The following VGLL4 variants were observed in gnomAD, a reference collection of about 807,000 sequenced individuals.
The protein encoded by VGLL4 is transcription cofactor vestigial-like protein 4.
Under a neutral mutation model 21.0 loss-of-function variants are expected in VGLL4, and 7 were observed. The ratio of observed to expected loss-of-function variants is 0.33; its 90% confidence interval spans 0.19 to 0.63. The LOEUF is 0.63. VGLL4 is among the 20% of genes least tolerant of loss of function. The probability of loss-of-function intolerance (pLI) is 0.78; values close to 1 mark genes in which losing one functional copy is unlikely to be tolerated. For synonymous variants in VGLL4, 222 were observed against 173.2 expected, an observed-to-expected ratio of 1.28 and a Z score of -2.21; for missense variants, 394 against 425.7, an observed-to-expected ratio of 0.93 and a Z score of 0.66.
At chr3:11,613,252 C>T (rs1166491519) in intron 1 of VGLL4, among the ~76,000 whole-genome samples, 1 of 151,982 alleles carries the variant, frequency 6.6e-6, no homozygotes, top group Non-Finnish European at 1.5e-5. Flanking sequence ...GGTTAAGCAC[C>T]GAAGGTCATA....
At chr3:11,646,443 T>G (rs1488021712), upstream of VGLL4, among the ~76,000 whole-genome samples, 1 of 152,162 alleles carries the variant, frequency 6.6e-6, no homozygotes, top group Non-Finnish European at 1.5e-5. Context: ...ATCTTGCTGC[T>G]GAGGTTGCAT....
intron 2 of VGLL4, among the ~76,000 whole-genome samples, chr3:11,700,207 G>A (rs2076660641): frequency 2.0e-5 from 3 of 151,978 alleles, no homozygotes; most frequent in Admixed American, 2.0e-4. Context: ...GCCTCCAACT[G>A]GAACAGAATG....
Position 11,599,781 on chromosome 3 carries a change from A to G in VGLL4, c.272+2052T>C, listed in dbSNP as rs140363504. 6.7e-4 allele frequency among the ~76,000 whole-genome samples: 100 copies of G among 150,056 alleles called. 2 individuals carry two copies. The East Asian group carries it at 0.018, about 28-fold the overall frequency. On this transcript the variant is annotated intron_variant, in intron 2 of 4. Transcript: ENST00000430365. Reference sequence around the variant, plus strand: ...GTGATCCACCCACCTTGGCCTCCCAAAGTGCCAGGATTACAGGTGTGTGAG... The same window carrying G: ...GTGATCCACCCACCTTGGCCTCCCAGAGTGCCAGGATTACAGGTGTGTGAG...
chr3:11,702,759 A>G (rs1451093881), intron 2 of VGLL4: 1 of 332,514 alleles, frequency 3.0e-6, no homozygotes, highest in Non-Finnish European at 5.4e-6. Flanking sequence ...AAAAAAAACA[A>G]ACCAGTATCC....
At chr3:11,611,876 G>A (rs545085907) in intron 1 of VGLL4, 1 of 151,874 alleles carries the variant, frequency 6.6e-6, no homozygotes, top group Non-Finnish European at 1.5e-5. Context: ...GGAGGACTAG[G>A]TTTGTGTTCA....
chr3:11,582,288 C>T (rs1036489757), intron 2 of VGLL4: 2 of 1,605,218 alleles, frequency 1.2e-6, no homozygotes, highest in Non-Finnish European at 1.7e-6. Context: ...GTACTAACCT[C>T]ACTTTAATCA....
At chr3:11,696,291 C>T (rs1490431658) in intron 2 of VGLL4, among the ~76,000 whole-genome samples, 4 of 152,174 alleles carry the variant, frequency 2.6e-5, no homozygotes, top group Non-Finnish European at 4.4e-5. Context: ...GCAGTTCCTC[C>T]CTATTCTAAG....
At chr3:11,680,819 C>A (rs901128919) in intron 2 of VGLL4, among the ~76,000 whole-genome samples, 3 of 152,210 alleles carry the variant, frequency 2.0e-5, no homozygotes, top group African/African-American at 2.4e-5. Flanking sequence ...GCGAGCCCTG[C>A]AAAGCAGAGA....
intron 3 of VGLL4, among the ~76,000 whole-genome samples, chr3:11,559,785 C>T (rs1189173885): frequency 6.6e-6 from 1 of 152,200 alleles, no homozygotes; most frequent in African/African-American, 2.4e-5. Flanking sequence ...CAGAGGGTTG[C>T]AGGAGGGACC....
chr3:11,628,587 A>G (rs2616546), intron 1 of VGLL4, among the ~76,000 whole-genome samples: 19,968 of 151,710 alleles, frequency 0.13, 1,494 homozygotes, highest in South Asian at 0.22. Flanking sequence ...TTGGGAGGCC[A>G]AGGCGGGCGG....
At chr3:11,702,981 A>G (rs779406421) in exon 2 of VGLL4, 1 of 1,612,206 alleles carries the variant, frequency 6.2e-7, no homozygotes, top group Non-Finnish European at 8.5e-7. Flanking sequence ...GTTTTTCGTC[A>G]TCAGCATGCA....
At chr3:11,682,130 G>A (rs933917014) in intron 2 of VGLL4, among the ~76,000 whole-genome samples, 10 of 152,020 alleles carry the variant, frequency 6.6e-5, no homozygotes, top group African/African-American at 2.4e-4. Context: ...GTGGCCGGGT[G>A]CAGTGGCTCA....
rs2072521525 is a variant in VGLL4, at chr3:11,557,241, TAATA to T, written c.*1311_*1314del. The stretch of plus-strand genomic sequence containing the variant: ...AGTTAGTAGCTATTAATATAGCAAA[TAATA>T]AATGCAGTAATAACAGTATAAAGTC... On this transcript the variant is annotated 3_prime_UTR_variant, in exon 5 of 5. Coordinates refer to ENST00000430365, the MANE Select transcript of VGLL4 (RefSeq NM_001128219.3). 1 of 152,744 alleles carries T rather than the reference TAATA, an allele frequency of 6.5e-6. No homozygotes were observed. The highest frequency in any genetic ancestry group is 2.4e-5 in the African/African-American group (1 of 41,434). The allele number at this position is 152,744 out of a possible 1,614,324, so 9.5% of individuals were successfully genotyped here.
chr3:11,559,849 C>T (rs1024238941), intron 3 of VGLL4, among the ~76,000 whole-genome samples: 5 of 152,158 alleles, frequency 3.3e-5, no homozygotes, highest in African/African-American at 7.2e-5. Flanking sequence ...CACTGAGCCG[C>T]GGGTGTGCCT....
chr3:11,608,395 T>C (rs2074992173), intron 1 of VGLL4, among the ~76,000 whole-genome samples: 2 of 152,364 alleles, frequency 1.3e-5, no homozygotes, highest in South Asian at 2.1e-4. Context: ...TTTTTTGGCA[T>C]GGTGGCAATT....
chr3:11,590,357 C>T (rs2074458036), intron 2 of VGLL4, among the ~76,000 whole-genome samples: 1 of 152,202 alleles, frequency 6.6e-6, no homozygotes, highest in Non-Finnish European at 1.5e-5. Context: ...GTCCTTTCTA[C>T]TTGGCCTTGA....
chr3:11,714,149 T>C (rs1304496897), intron 1 of VGLL4, among the ~76,000 whole-genome samples: 1 of 152,176 alleles, frequency 6.6e-6, no homozygotes, highest in African/African-American at 2.4e-5. Context: ...CTATACAGGC[T>C]CTGGGCTGCA....
At chr3:11,627,226 A>T (rs1230405497) in intron 1 of VGLL4, 241 of 127,542 alleles carry the variant, frequency 1.9e-3, no homozygotes, top group African/African-American at 8.5e-3. Context: ...ACACACACAC[A>T]CACACTCTCT....
intron 1 of VGLL4, among the ~76,000 whole-genome samples, chr3:11,642,303 G>GGTT (rs557136348): frequency 6.6e-6 from 1 of 152,156 alleles, no homozygotes; most frequent in Non-Finnish European, 1.5e-5. Flanking sequence ...CGTGAATGAG[G>GGTT]GTTGTTGTTG....
Sources: allele counts gnomAD v4.1 joint callset (sites outside exome capture counted in the v4.1 genomes callset), GRCh38; gene constraint gnomAD v4.1.1; transcripts MANE v1.5; gene names NCBI Gene and HGNC (gene_info 2026-07-23, HGNC 2026-07-21).